The following FHOD3 variants were observed in gnomAD, a reference collection of about 807,000 sequenced individuals.
FHOD3 encodes the protein formin homology 2 domain containing 3, also known as FH1/FH2 domain-containing protein 3.
In FHOD3, 90 loss-of-function variants were observed where a neutral mutation model predicts 173.0. That is an observed-to-expected ratio of 0.52 (90% CI 0.44 to 0.62). FHOD3 has a LOEUF of 0.62. Among genes scored for constraint, FHOD3 ranks in the 20% least tolerant of loss-of-function variants. FHOD3 has a pLI of 0.00. For missense variants in FHOD3, 1,945 were observed against 2,034.7 expected (o/e 0.96, Z 0.85); for synonymous variants, 828 against 823.0 (o/e 1.01, Z -0.10).
At chr18:36,504,006 C>T (rs1375803306) in intron 4 of FHOD3, among the ~76,000 whole-genome samples, 1 of 152,196 alleles carries the variant, frequency 6.6e-6, no homozygotes, top group Non-Finnish European at 1.5e-5. Context: ...CTCATTGCAA[C>T]CTCCACTTTC....
At chr18:36,625,484 T>A in intron 9 of FHOD3, 27 bp from the exon 10 acceptor site, 1 of 1,390,188 alleles carries the variant, frequency 7.2e-7, no homozygotes, top group Non-Finnish European at 9.5e-7. Flanking sequence ...AGCCTGACCT[T>A]GCACTGGGCG....
At chr18:36,644,567 T>A (rs1272330547) in intron 10 of FHOD3, among the ~76,000 whole-genome samples, 2 of 152,204 alleles carry the variant, frequency 1.3e-5, no homozygotes, top group Non-Finnish European at 2.9e-5. Context: ...CCACTTATGA[T>A]AGCAAAGCTA....
At chr18:36,542,423 T>TAA (rs2057260920) in intron 5 of FHOD3, among the ~76,000 whole-genome samples, 1 of 152,206 alleles carries the variant, frequency 6.6e-6, no homozygotes, top group South Asian at 2.1e-4. Context: ...GTAGATGGCC[T>TAA]TTTAATACTA....
intron 28 of FHOD3, among the ~76,000 whole-genome samples, chr18:36,771,694 T>C (rs879935830): frequency 6.6e-6 from 1 of 152,198 alleles, no homozygotes; most frequent in Non-Finnish European, 1.5e-5. Flanking sequence ...AGTTAACTCC[T>C]GGTCTTTCTG....
chr18:36,379,752 T>C (rs9944689), intron 3 of FHOD3, among the ~76,000 whole-genome samples: 68,533 of 152,098 alleles, frequency 0.45, 16,507 homozygotes, highest in East Asian at 0.75. Context: ...ATACTTTCCT[T>C]TCACAAGTCT....
chr18:36,406,211 A>T (rs565949688), intron 3 of FHOD3, among the ~76,000 whole-genome samples: 6 of 152,060 alleles, frequency 3.9e-5, no homozygotes, highest in African/African-American at 1.4e-4. Context: ...GTGCTGGGTC[A>T]CCTGTCACAC....
chr18:36,495,044 G>A (rs570968256), intron 3 of FHOD3, among the ~76,000 whole-genome samples: 13 of 152,134 alleles, frequency 8.5e-5, no homozygotes, highest in Middle Eastern at 3.4e-3. Flanking sequence ...CTGGGTTCAA[G>A]CAGTCCTCCC....
intron 9 of FHOD3, among the ~76,000 whole-genome samples, chr18:36,618,461 C>T (rs958226049): frequency 4.7e-4 from 71 of 151,730 alleles, no homozygotes; most frequent in Non-Finnish European, 1.6e-4. Flanking sequence ...TACAGGTGTG[C>T]GCCACCATGC....
intron 4 of FHOD3, among the ~76,000 whole-genome samples, chr18:36,503,019 G>A (rs1461949544): frequency 2.0e-5 from 3 of 152,126 alleles, no homozygotes; most frequent in Non-Finnish European, 2.9e-5. Context: ...CCAGTGTTTT[G>A]CTGTTATAAA....
Position 36,780,141 on chromosome 18 carries a change from G to T in FHOD3, c.*611G>T, listed in dbSNP as rs1385011093. 2 of 1,232,086 alleles carry T rather than the reference G, an allele frequency of 1.6e-6. No individual in the cohort carries two copies. Among genetic ancestry groups the T allele is most frequent in the African/African-American group, 3.1e-5 (2 of 64,532 alleles). The allele number at this position is 1,232,086 out of a possible 1,614,324, so 76.3% of individuals were successfully genotyped here. On this transcript the variant is annotated 3_prime_UTR_variant, in exon 29 of 29. Coordinates refer to ENST00000590592, the MANE Select transcript of FHOD3 (RefSeq NM_001281740.3). ...CTTCAGAATGGCAAAACTCTTCTCAGTGTCCTCAGAAGCACCCTCGCTTGG... is the reference window on the plus strand; with the variant it reads ...CTTCAGAATGGCAAAACTCTTCTCATTGTCCTCAGAAGCACCCTCGCTTGG...
chr18:36,342,301 TG>T (rs1568146839), intron 1 of FHOD3, among the ~76,000 whole-genome samples: 3 of 152,098 alleles, frequency 2.0e-5, no homozygotes, highest in South Asian at 4.1e-4. Context: ...CAGAAATATT[TG>T]AAGAGTTAAT....
chr18:36,435,430 A>G (rs1036632994), intron 3 of FHOD3, among the ~76,000 whole-genome samples: 11 of 152,124 alleles, frequency 7.2e-5, no homozygotes, highest in Non-Finnish European at 1.5e-4. Flanking sequence ...ACTGATGCCA[A>G]TGTTCACTAT....
intron 24 of FHOD3, among the ~76,000 whole-genome samples, chr18:36,749,357 G>A (rs2042302802): frequency 6.6e-6 from 1 of 152,066 alleles, no homozygotes; most frequent in Non-Finnish European, 1.5e-5. Flanking sequence ...CATGTCCAGT[G>A]TCTGTTGTTT....
intron 3 of FHOD3, among the ~76,000 whole-genome samples, chr18:36,416,102 G>A (rs997019048): frequency 6.6e-6 from 1 of 152,006 alleles, no homozygotes; most frequent in Non-Finnish European, 1.5e-5. Flanking sequence ...GCATGATCTC[G>A]GCTCACTGCA....
intron 16 of FHOD3, among the ~76,000 whole-genome samples, chr18:36,689,597 T>C (rs2038833907): frequency 6.6e-6 from 1 of 152,182 alleles, no homozygotes; most frequent in Non-Finnish European, 1.5e-5. Flanking sequence ...AAAGGCTTTA[T>C]AGGATAATGA....
At chr18:36,512,570 C>A in intron 5 of FHOD3, 27 bp downstream of exon 5, 1 of 1,478,878 alleles carries the variant, frequency 6.8e-7, no homozygotes, top group Non-Finnish European at 9.5e-7. Context: ...CATGCAGCAG[C>A]TGCCCCAGCT....
At position 36,625,546 on chromosome 18, in the gene FHOD3, G is replaced by A. The variant is rs768378764; in HGVS notation, c.993G>A (p.Thr331=). Residue 331 remains threonine (T), a synonymous_variant, in exon 10 of 29, where the codon ACG becomes ACA. Coordinates refer to ENST00000590592, the MANE Select transcript of FHOD3 (RefSeq NM_001281740.3). The stretch of plus-strand genomic sequence containing the variant: ...GGCACGAGGATGGCGATGAGACCAC[G>A]GAGCCACCCCCCAGTGGGTGCCGGG... ...ALRHEDGDET[T]EPPPSGCRDR... is the part of the protein sequence containing the mutation. 36 of 1,490,460 alleles carry A rather than the reference G, an allele frequency of 2.4e-5. No individual in the cohort carries two copies. The highest frequency in any genetic ancestry group is 2.8e-5 in the African/African-American group (2 of 70,614). The allele number at this position is 1,490,460 out of a possible 1,614,324, so 92.3% of individuals were successfully genotyped here.
At chr18:36,413,770 T>C (rs1198026886) in intron 3 of FHOD3, among the ~76,000 whole-genome samples, 3 of 152,200 alleles carry the variant, frequency 2.0e-5, no homozygotes, top group African/African-American at 7.2e-5. Context: ...AACAGAAGAA[T>C]TCCATTTTAA....
At chr18:36,621,010 G>T (rs2033659273) in intron 9 of FHOD3, among the ~76,000 whole-genome samples, 1 of 152,034 alleles carries the variant, frequency 6.6e-6, no homozygotes, top group African/African-American at 2.4e-5. Flanking sequence ...ATTATGTCTT[G>T]GACTTGCTGG....
Sources: allele counts gnomAD v4.1 joint callset (sites outside exome capture counted in the v4.1 genomes callset), GRCh38; gene constraint gnomAD v4.1.1; transcripts MANE v1.5; gene names NCBI Gene and HGNC (gene_info 2026-07-23, HGNC 2026-07-21).